The following NRXN3 variants were observed in gnomAD, a reference collection of about 807,000 sequenced individuals.
NRXN3 encodes the protein neurexin III.
Under a neutral mutation model 137.6 loss-of-function variants are expected in NRXN3, and 32 were observed. The ratio of observed to expected loss-of-function variants is 0.23; its 90% confidence interval spans 0.18 to 0.31. The LOEUF (loss-of-function observed/expected upper bound fraction) is 0.31. Among genes scored for constraint, NRXN3 ranks in the 10% least tolerant of loss-of-function variants. The pLI, the probability that NRXN3 is intolerant of heterozygous loss-of-function variation, is 1.00. For missense variants in NRXN3, 1,574 were observed against 2,062.5 expected (o/e 0.76, Z 4.59); for synonymous variants, 798 against 784.5 (o/e 1.02, Z -0.29).
chr14:78,498,563 A>G (rs1359209206), intron 4 of NRXN3, among the ~76,000 whole-genome samples: 1 of 152,140 alleles, frequency 6.6e-6, no homozygotes, highest in Non-Finnish European at 1.5e-5. Context: ...GGGTAGGGAT[A>G]ATAAATGTTT....
intron 6 of NRXN3, among the ~76,000 whole-genome samples, chr14:78,663,617 T>C (rs1438796056): frequency 6.6e-6 from 1 of 152,212 alleles, no homozygotes; most frequent in African/African-American, 2.4e-5. Flanking sequence ...CTTTAATGCC[T>C]TCAAAACACC....
chr14:79,384,112 T>A (rs2094540521), intron 15 of NRXN3, among the ~76,000 whole-genome samples: 1 of 152,176 alleles, frequency 6.6e-6, no homozygotes, highest in South Asian at 2.1e-4. Context: ...CCACTCCCAC[T>A]TCTTATTTCT....
chr14:79,446,116 A>G (rs565844180), intron 15 of NRXN3, among the ~76,000 whole-genome samples: 1 of 152,338 alleles, frequency 6.6e-6, no homozygotes, highest in Non-Finnish European at 1.5e-5. Flanking sequence ...GAGGCAGACA[A>G]AAACGAATAA....
At chr14:79,338,196 G>GGTGT (rs796540610) in intron 15 of NRXN3, among the ~76,000 whole-genome samples, 1 of 141,062 alleles carries the variant, frequency 7.1e-6, no homozygotes, top group Non-Finnish European at 1.5e-5. Flanking sequence ...AGGCAGCCGG[G>GGTGT]GTGTGTGTGT....
chr14:79,464,467 A>ATT, intron 15 of NRXN3, among the ~76,000 whole-genome samples: 1 of 152,230 alleles, frequency 6.6e-6, no homozygotes, highest in East Asian at 1.9e-4. Flanking sequence ...GAAATTATAT[A>ATT]TTTATGTATT....
chr14:79,299,975 T>G (rs2084856945), intron 15 of NRXN3, among the ~76,000 whole-genome samples: 1 of 152,076 alleles, frequency 6.6e-6, no homozygotes, highest in Non-Finnish European at 1.5e-5. Context: ...ATATTGCAAG[T>G]GACACAAAGA....
intron 4 of NRXN3, among the ~76,000 whole-genome samples, chr14:78,423,391 C>T (rs964418844): frequency 1.3e-5 from 2 of 152,192 alleles, no homozygotes; most frequent in African/African-American, 2.4e-5. Context: ...AAAATCAGCC[C>T]ATGCTCACAG....
intron 16 of NRXN3, among the ~76,000 whole-genome samples, chr14:79,553,879 C>T (rs575051895): frequency 5.3e-5 from 8 of 152,174 alleles, no homozygotes; most frequent in Admixed American, 2.6e-4. Context: ...AACACAATAA[C>T]AGGAGATACT....
intron 15 of NRXN3, among the ~76,000 whole-genome samples, chr14:79,240,274 G>A (rs76659061): frequency 0.011 from 1,711 of 151,970 alleles, 31 homozygotes; most frequent in African/African-American, 0.039. Context: ...TTCTCCATAT[G>A]CAAATGTATT....
At chr14:79,111,888 G>A (rs575312857) in intron 15 of NRXN3, among the ~76,000 whole-genome samples, 2 of 152,076 alleles carry the variant, frequency 1.3e-5, no homozygotes, top group Admixed American at 6.5e-5. Context: ...TTTGTGAAAG[G>A]AACAAATACT....
intron 15 of NRXN3, among the ~76,000 whole-genome samples, chr14:79,404,025 A>C (rs2095262206): frequency 6.6e-6 from 1 of 152,204 alleles, no homozygotes; most frequent in South Asian, 2.1e-4. Context: ...AGGCAATGCC[A>C]TTCAGGCCAT....
chr14:78,391,770 A>T (rs1319569655), intron 4 of NRXN3, among the ~76,000 whole-genome samples: 1 of 152,236 alleles, frequency 6.6e-6, no homozygotes, highest in Non-Finnish European at 1.5e-5. Flanking sequence ...ATTTTCTCAT[A>T]TAATCTCAGA....
At chr14:78,832,980 C>T (rs973775830) in intron 10 of NRXN3, among the ~76,000 whole-genome samples, 52 of 152,276 alleles carry the variant, frequency 3.4e-4, no homozygotes, top group African/African-American at 1.3e-3. Context: ...ACGCATAAAA[C>T]ATCTTTCCGG....
intron 15 of NRXN3, among the ~76,000 whole-genome samples, chr14:79,109,779 A>G (rs943510583): frequency 6.6e-6 from 1 of 152,182 alleles, no homozygotes; most frequent in Non-Finnish European, 1.5e-5. Context: ...AGACATATTT[A>G]TAAGTATCGT....
intron 15 of NRXN3, among the ~76,000 whole-genome samples, chr14:79,389,339 G>T (rs2094760035): frequency 6.6e-6 from 1 of 152,210 alleles, no homozygotes; most frequent in Non-Finnish European, 1.5e-5. Context: ...AGAACAAAAG[G>T]TGTCTAAATT....
intron 4 of NRXN3, among the ~76,000 whole-genome samples, chr14:78,326,325 T>G (rs867852070): frequency 6.6e-6 from 1 of 152,176 alleles, no homozygotes; most frequent in African/African-American, 2.4e-5. Context: ...CCTTAACATG[T>G]GCTGAGAGGA....
At chr14:78,383,464 T>C (rs2089473471) in intron 4 of NRXN3, among the ~76,000 whole-genome samples, 1 of 152,290 alleles carries the variant, frequency 6.6e-6, no homozygotes, top group Non-Finnish European at 1.5e-5. Flanking sequence ...GTTGGCATAT[T>C]TATTTATCTC....
intron 15 of NRXN3, among the ~76,000 whole-genome samples, chr14:79,139,962 A>T (rs1652125939): frequency 6.7e-6 from 1 of 150,034 alleles, no homozygotes; most frequent in Admixed American, 6.7e-5. Context: ...TATGAGATAT[A>T]TATGTATATA....
intron 15 of NRXN3, among the ~76,000 whole-genome samples, chr14:79,143,009 T>C (rs1007106080): frequency 3.3e-5 from 5 of 152,172 alleles, no homozygotes; most frequent in African/African-American, 1.2e-4. Context: ...TATCATCTAT[T>C]TATTTGCCAT....
Sources: gnomAD v4.1 joint callset for allele counts (sites outside exome capture counted in the v4.1 genomes callset) on GRCh38, gnomAD v4.1.1 for gene constraint, MANE v1.5 for transcripts, NCBI Gene and HGNC (gene_info 2026-07-23, HGNC 2026-07-21) for gene names.